The following ACOXL variants were observed in gnomAD, a reference collection of about 807,000 sequenced individuals.
The protein encoded by ACOXL is acyl-CoA oxidase like, also known as acyl-coenzyme A oxidase-like protein.
ACOXL carries 70 observed loss-of-function variants against 71.9 expected under a neutral mutation model. That is an observed-to-expected ratio of 0.97 (90% CI 0.80 to 1.19). The LOEUF (loss-of-function observed/expected upper bound fraction) is 1.19, where lower values mean the gene tolerates loss of function less well. Among genes scored for constraint, ACOXL ranks in the 50% most tolerant of loss-of-function variants. The pLI is 0.00. For missense variants in ACOXL, 703 were observed against 736.3 expected, an observed-to-expected ratio of 0.95 and a Z score of 0.52; for synonymous variants, 253 against 281.6, an observed-to-expected ratio of 0.90 and a Z score of 1.02.
intron 11 of ACOXL, among the ~76,000 whole-genome samples, chr2:110,924,980 C>T (rs1444106366): frequency 2.0e-5 from 3 of 152,238 alleles, no homozygotes; most frequent in Non-Finnish European, 2.9e-5. Context: ...GGCATGAAAA[C>T]GACATGTATC....
At chr2:110,956,342 G>A (rs2061500888) in intron 12 of ACOXL, among the ~76,000 whole-genome samples, 1 of 152,134 alleles carries the variant, frequency 6.6e-6, no homozygotes, top group African/African-American at 2.4e-5. Context: ...GTATGCATTT[G>A]GTGACAGGAT....
In ACOXL at chr2:111,118,125, C is replaced by A; in HGVS notation, c.*309C>A. On this transcript the variant is annotated 3_prime_UTR_variant, in exon 18 of 18. Coordinates refer to ENST00000439055, the MANE Select transcript of ACOXL (RefSeq NM_001142807.4). ...GACAATCAGGGTGGGCTCCCCGCTG[C>A]GAGCGCGCCCCACAGCCGGGTGCCG... is the stretch of plus-strand genomic sequence containing the variant. 2.1e-6 allele frequency: 1 copy of A among 477,254 alleles called. No individual in the cohort carries two copies. The highest frequency in any genetic ancestry group is 2.7e-5 in the South Asian group (1 of 36,980). The allele number at this position is 477,254 out of a possible 1,614,324, so 29.6% of individuals were successfully genotyped here.
intron 16 of ACOXL, among the ~76,000 whole-genome samples, chr2:111,060,572 C>T (rs1045805500): frequency 1.3e-5 from 2 of 152,300 alleles, no homozygotes; most frequent in African/African-American, 4.8e-5. Flanking sequence ...TCCAGAATTT[C>T]ATCATAGAAT....
At chr2:110,798,014 C>G (rs1314470969) in intron 5 of ACOXL, among the ~76,000 whole-genome samples, 1 of 152,170 alleles carries the variant, frequency 6.6e-6, no homozygotes, top group Non-Finnish European at 1.5e-5. Flanking sequence ...GAACAAACAC[C>G]TTTTAAAGAT....
At chr2:111,093,424 A>C in intron 17 of ACOXL, 1 of 1,611,614 alleles carries the variant, frequency 6.2e-7, no homozygotes, top group Non-Finnish European at 8.5e-7. Context: ...TACTGCAAAG[A>C]AAAAGAATGT....
chr2:110,938,539 G>A (rs558568741), intron 12 of ACOXL, among the ~76,000 whole-genome samples: 4 of 152,310 alleles, frequency 2.6e-5, no homozygotes, highest in African/African-American at 4.8e-5. Flanking sequence ...AGACCATGAG[G>A]GCAGTGAGGG....
chr2:111,088,635 G>A (rs2068350600), intron 16 of ACOXL, among the ~76,000 whole-genome samples: 1 of 152,106 alleles, frequency 6.6e-6, no homozygotes, highest in Non-Finnish European at 1.5e-5. Flanking sequence ...CAACCTTAGG[G>A]TGCAGGGTGG....
intron 16 of ACOXL, among the ~76,000 whole-genome samples, chr2:111,076,687 C>G (rs1208270617): frequency 6.6e-6 from 1 of 152,094 alleles, no homozygotes; most frequent in Non-Finnish European, 1.5e-5. Context: ...CCTATGGCTA[C>G]TGTAACAAAC....
intron 17 of ACOXL, among the ~76,000 whole-genome samples, chr2:111,114,890 T>C (rs1229393864): frequency 6.6e-6 from 1 of 151,924 alleles, no homozygotes; most frequent in Non-Finnish European, 1.5e-5. Flanking sequence ...AATATACATA[T>C]TAATATAGTC....
chr2:110,734,594 G>A (rs1372504657), intron 1 of ACOXL, among the ~76,000 whole-genome samples: 1 of 151,994 alleles, frequency 6.6e-6, no homozygotes, highest in African/African-American at 2.4e-5. Context: ...GTTTGTGAAC[G>A]GCTGCTTTAA....
intron 9 of ACOXL, among the ~76,000 whole-genome samples, chr2:110,811,692 C>G (rs1330465826): frequency 7.0e-6 from 1 of 141,846 alleles, no homozygotes; most frequent in East Asian, 2.2e-4. Context: ...TCATCCTGTT[C>G]TGCTCAGACT....
At chr2:111,012,919 CAGT>C (rs2064234628) in intron 14 of ACOXL, among the ~76,000 whole-genome samples, 1 of 151,944 alleles carries the variant, frequency 6.6e-6, no homozygotes, top group African/African-American at 2.4e-5. Context: ...AGAGCAAAAT[CAGT>C]AGAATAAAGG....
At chr2:110,753,637 G>A (rs562045552) in intron 1 of ACOXL, among the ~76,000 whole-genome samples, 42 of 152,184 alleles carry the variant, frequency 2.8e-4, no homozygotes, top group Non-Finnish European at 4.7e-4. Flanking sequence ...CACCAGGGCT[G>A]TTTCTAGTTT....
chr2:110,801,685 T>C lies in ACOXL; in HGVS notation c.581T>C (p.Phe194Ser). ...LHGVDNGILIFDKVRIPRENL... is the reference protein window; with the variant it reads ...LHGVDNGILISDKVRIPRENL... ...GGTGTGGACAATGGGATATTAATAT[T>C]TGACAAGGTTCGGATACCCAGGGAG... The change falls in exon 8 of 18, where the codon TTT (phenylalanine) becomes TCT (serine). Residue 194 changes from phenylalanine (F) to serine (S), a missense_variant. Physicochemically the swap from Phe to Ser is radical, Grantham distance 155. Transcript: ENST00000439055. The C allele has an allele frequency of 6.2e-7, 1 of 1,614,172 alleles. No homozygotes were observed. The highest frequency in any genetic ancestry group is 1.3e-5 in the African/African-American group (1 of 75,054).
chr2:110,867,593 GT>G (rs1694763521), intron 10 of ACOXL, among the ~76,000 whole-genome samples: 1 of 152,162 alleles, frequency 6.6e-6, no homozygotes, highest in African/African-American at 2.4e-5. Flanking sequence ...ACAAAGTCCT[GT>G]TTGGACAGGG....
At chr2:110,941,516 A>G (rs2060868111) in intron 12 of ACOXL, among the ~76,000 whole-genome samples, 1 of 152,152 alleles carries the variant, frequency 6.6e-6, no homozygotes, top group African/African-American at 2.4e-5. Flanking sequence ...TGTTTTTGTT[A>G]GAAGGGAAGT....
intron 10 of ACOXL, 137 bp from the exon 11 acceptor site, chr2:110,908,652 A>G: frequency 1.4e-6 from 1 of 690,540 alleles, no homozygotes. Context: ...TGCCCTAACC[A>G]CATTTTAGGA....
intron 16 of ACOXL, among the ~76,000 whole-genome samples, chr2:111,059,304 A>AAAAC (rs2149873320): frequency 6.6e-6 from 1 of 152,372 alleles, no homozygotes; most frequent in African/African-American, 2.4e-5. Context: ...TGTGTTCCTG[A>AAAAC]AAACCTTGCC....
intron 2 of ACOXL, among the ~76,000 whole-genome samples, chr2:110,775,686 A>G (rs958379636): frequency 2.0e-5 from 3 of 152,182 alleles, no homozygotes; most frequent in African/African-American, 7.2e-5. Context: ...CACAACCACA[A>G]TGAGATACCA....
Sources: gnomAD v4.1 joint callset for allele counts (sites outside exome capture counted in the v4.1 genomes callset) on GRCh38, gnomAD v4.1.1 for gene constraint, MANE v1.5 for transcripts, NCBI Gene and HGNC (gene_info 2026-07-23, HGNC 2026-07-21) for gene names.